The following CPXM2 variants were observed in gnomAD, a reference collection of about 807,000 sequenced individuals.
The protein encoded by CPXM2 is inactive carboxypeptidase-like protein X2.
A neutral mutation model predicts 86.1 loss-of-function variants in CPXM2; 66 were observed. The observed-to-expected ratio is 0.77, with a 90% CI of 0.63 to 0.94. CPXM2 has a LOEUF of 0.94. CPXM2 is among the 40% of genes least tolerant of loss of function. The pLI, the probability that CPXM2 is intolerant of heterozygous loss-of-function variation, is 0.00. For synonymous variants in CPXM2, 388 were observed against 400.2 expected, an observed-to-expected ratio of 0.97 and a Z score of 0.36; for missense variants, 948 against 1,026.3, an observed-to-expected ratio of 0.92 and a Z score of 1.04.
intron 4 of CPXM2, among the ~76,000 whole-genome samples, chr10:123,804,562 C>T (rs868179717): frequency 6.6e-6 from 1 of 152,070 alleles, no homozygotes; most frequent in Admixed American, 6.6e-5. Flanking sequence ...TACCCAGCTA[C>T]CTTGTTAATT....
intron 4 of CPXM2, among the ~76,000 whole-genome samples, chr10:123,806,422 A>G (rs538904251): frequency 6.6e-6 from 1 of 152,302 alleles, no homozygotes; most frequent in South Asian, 2.1e-4. Context: ...GCTTGAATCC[A>G]GCTTTGTTGT....
chr10:123,798,009 T>G lies in CPXM2; in HGVS notation c.856A>C (p.Met286Leu). The G allele has an allele frequency of 6.2e-7, 1 of 1,610,410 alleles. No individual in the cohort carries two copies. The highest frequency in any genetic ancestry group is 8.5e-7 in the Non-Finnish European group (1 of 1,178,166). Residue 286 changes from methionine (M) to leucine (L), a missense_variant, in exon 6 of 14, where the codon ATG (methionine) becomes CTG (leucine). Coordinates refer to ENST00000241305, the MANE Select transcript of CPXM2 (RefSeq NM_198148.3). ...QSWFDNGSICMRMEILGCPLP... is the reference protein window; with the variant it reads ...QSWFDNGSICLRMEILGCPLP... ...GGGCAGCCCAGGATCTCCATTCTCA[T>G]GCAGATGCTCCCATTATCAAACCAG...
rs1002718203 is a variant in CPXM2, at chr10:123,786,962, C to T, written c.890-6707G>A. Among the ~76,000 whole-genome samples, 5 of 152,186 alleles carry T rather than the reference C, an allele frequency of 3.3e-5. No individual in the cohort carries two copies. In the South Asian group the frequency reaches 1.0e-3, roughly 32 times the overall value. ...GTAAGGAAAATGTATAAATACTAAACCTCCTGAGAACCTCTTTGAAAAAAA... is the reference window on the plus strand; with the variant it reads ...GTAAGGAAAATGTATAAATACTAAATCTCCTGAGAACCTCTTTGAAAAAAA... On this transcript the variant is annotated intron_variant, in intron 6 of 13. Coordinates refer to ENST00000241305, the MANE Select transcript of CPXM2 (RefSeq NM_198148.3).
intron 2 of CPXM2, among the ~76,000 whole-genome samples, chr10:123,867,521 TTC>T (rs1049213681): frequency 8.0e-5 from 12 of 149,826 alleles, no homozygotes; most frequent in African/African-American, 3.0e-4. Context: ...TCCTAGAGAT[TTC>T]TTTCTTTTTT....
chr10:123,783,765 G>A (rs897654512), intron 6 of CPXM2, among the ~76,000 whole-genome samples: 1 of 152,118 alleles, frequency 6.6e-6, no homozygotes, highest in African/African-American at 2.4e-5. Context: ...TCTGACCTTT[G>A]AAACAGGAAT....
chr10:123,881,617 G>C (rs924539636), intron 1 of CPXM2, among the ~76,000 whole-genome samples: 5 of 152,210 alleles, frequency 3.3e-5, no homozygotes, highest in Non-Finnish European at 5.9e-5. Context: ...ACTGCAGTTG[G>C]CTTCTGGCTA....
At chr10:123,830,872 C>CTCTCTCTGTGTGTGTGTGTGTGTGTG (rs1258897184) in intron 4 of CPXM2, among the ~76,000 whole-genome samples, 11 of 142,714 alleles carry the variant, frequency 7.7e-5, no homozygotes, top group African/African-American at 2.9e-4. Flanking sequence ...CTCTCTCTCT[C>CTCTCTCTGTGTGTGTGTGTGTGTGTG]TGTGTGTGTG....
At chr10:123,747,710 C>A (rs1426684634) in intron 13 of CPXM2, among the ~76,000 whole-genome samples, 2 of 152,096 alleles carry the variant, frequency 1.3e-5, no homozygotes, top group African/African-American at 4.8e-5. Flanking sequence ...GGTCCATCCT[C>A]AGCTCTAGGC....
chr10:123,922,058 C>A (rs1040068361), intron 2 of CPXM2, among the ~76,000 whole-genome samples: 2 of 152,166 alleles, frequency 1.3e-5, no homozygotes, highest in African/African-American at 4.8e-5. Flanking sequence ...GCACAATTGA[C>A]ATTTGGGGGC....
chr10:123,800,377 G>C (rs1463842890), intron 4 of CPXM2, among the ~76,000 whole-genome samples: 1 of 152,144 alleles, frequency 6.6e-6, no homozygotes, highest in East Asian at 1.9e-4. Flanking sequence ...CCTCCTCTGA[G>C]AGTCACCAGT....
intron 3 of CPXM2, among the ~76,000 whole-genome samples, chr10:123,854,582 G>A (rs1347072411): frequency 1.3e-5 from 2 of 150,772 alleles, no homozygotes; most frequent in South Asian, 4.2e-4. Flanking sequence ...TTTTCCGGCT[G>A]TAGATAACCC....
intron 4 of CPXM2, among the ~76,000 whole-genome samples, chr10:123,818,883 G>A (rs1420339143): frequency 1.3e-5 from 2 of 152,094 alleles, no homozygotes; most frequent in Non-Finnish European, 2.9e-5. Context: ...GGATTCACAG[G>A]TCCAGGAATC....
Position 123,921,760 on chromosome 10 carries a change from T to C in CPXM2, n.174+17717A>G, listed in dbSNP as rs560151617. On this transcript the variant is annotated intron_variant and non_coding_transcript_variant, in intron 2 of 19. Transcript: ENST00000368854. ...TTAGCCTGAGTGAAGAAGGGAATTA[T>C]AGACATTTAGGGAGGTAAAAAGAAT... is the stretch of plus-strand genomic sequence containing the variant. 6.4e-4 allele frequency among the ~76,000 whole-genome samples: 98 copies of C among 152,310 alleles called. 2 individuals carry two copies. The South Asian group carries it at 0.02, about 31-fold the overall frequency.
At chr10:123,820,744 C>A (rs1174388161) in intron 4 of CPXM2, among the ~76,000 whole-genome samples, 1 of 152,104 alleles carries the variant, frequency 6.6e-6, no homozygotes, top group Non-Finnish European at 1.5e-5. Context: ...GGCTGGTGGC[C>A]ACCTTTATCC....
intron 4 of CPXM2, among the ~76,000 whole-genome samples, chr10:123,821,968 T>TA (rs2134113908): frequency 6.6e-6 from 1 of 152,282 alleles, no homozygotes; most frequent in East Asian, 1.9e-4. Flanking sequence ...CCCAGGGACT[T>TA]ATAACATTTT....
At position 123,872,015 on chromosome 10, in the gene CPXM2, A is replaced by G. The variant is rs544683062; in HGVS notation, c.403+8196T>C. 5.9e-5 allele frequency among the ~76,000 whole-genome samples: 9 copies of G among 152,282 alleles called. No homozygotes were observed. In the East Asian group the frequency reaches 1.7e-3, roughly 29 times the overall value. On this transcript the variant is annotated intron_variant, in intron 2 of 13. Transcript: ENST00000241305. ...AGACCACAATGAGATATCAGCATAT[A>G]CCCACCAATAGGAAGAAAATAAAGG...
intron 3 of CPXM2, among the ~76,000 whole-genome samples, chr10:123,849,430 G>A (rs1207399041): frequency 2.9e-5 from 4 of 139,990 alleles, no homozygotes; most frequent in Admixed American, 7.2e-5. Flanking sequence ...TATTCTTAAC[G>A]TTCACTCTTT....
intron 10 of CPXM2, among the ~76,000 whole-genome samples, chr10:123,763,685 C>T (rs1228825784): frequency 2.0e-5 from 3 of 151,804 alleles, no homozygotes; most frequent in African/African-American, 7.3e-5. Flanking sequence ...GCTTTTTTCA[C>T]TTCAATATGG....
intron 1 of CPXM2, among the ~76,000 whole-genome samples, chr10:123,884,526 T>G (rs1173896644): frequency 6.6e-6 from 1 of 152,314 alleles, no homozygotes; most frequent in African/African-American, 2.4e-5. Flanking sequence ...AGGGATTCAG[T>G]GGGTCCTGAA....
Sources: allele counts gnomAD v4.1 joint callset (sites outside exome capture counted in the v4.1 genomes callset), GRCh38; gene constraint gnomAD v4.1.1; transcripts MANE v1.5; gene names NCBI Gene and HGNC (gene_info 2026-07-23, HGNC 2026-07-21).